The following MAP4 variants were observed in gnomAD, a reference collection of about 807,000 sequenced individuals.
The protein encoded by MAP4 is microtubule-associated protein 4.
Under a neutral mutation model 170.2 loss-of-function variants are expected in MAP4, and 76 were observed. The observed-to-expected ratio is 0.45, with a 90% confidence interval of 0.37 to 0.54. The LOEUF (loss-of-function observed/expected upper bound fraction) is 0.54. MAP4 is among the 20% of genes least tolerant of loss of function. The pLI is 0.00. For missense variants in MAP4, 2,506 were observed against 2,748.0 expected (o/e 0.91, Z 1.97); for synonymous variants, 909 against 994.5 (o/e 0.91, Z 1.62).
intron 2 of MAP4, among the ~76,000 whole-genome samples, chr3:47,989,561 A>T (rs993990318): frequency 3.3e-5 from 5 of 152,248 alleles, no homozygotes; most frequent in African/African-American, 1.2e-4. Flanking sequence ...ACTTTACTAG[A>T]ATAAAATAAA....
chr3:47,897,792 A>C (rs540919710), intron 10 of MAP4, among the ~76,000 whole-genome samples: 1 of 151,838 alleles, frequency 6.6e-6, no homozygotes, highest in South Asian at 2.1e-4. Flanking sequence ...GATACAAAAA[A>C]TTAGCTGGGT....
At chr3:47,963,929 G>A (rs1294997644) in intron 3 of MAP4, among the ~76,000 whole-genome samples, 1 of 152,210 alleles carries the variant, frequency 6.6e-6, no homozygotes, top group Admixed American at 6.5e-5. Flanking sequence ...AAAGTGAAGA[G>A]TCAATCATGA....
Position 47,928,233 on chromosome 3 carries a change from T to C in MAP4, c.410A>G (p.Gln137Arg). ...FQPEQVVDPI[Q>R]TDPFKMYHDD... ...ACGAGCAAGCCAACACTTACCAGTC[T>C]GGATAGGATCGACCACTTGCTCAGG... Residue 137 changes from glutamine (Q) to arginine (R), a missense_variant, in exon 4 of 21, where the codon CAG becomes CGG. Around this residue, in one of 3 missense-constraint regions of MAP4, gnomAD observed 2,008 missense variants for 2,206.0 expected, o/e 0.91. Transcript: ENST00000683076. The C allele has an allele frequency of 1.2e-6, 2 of 1,614,154 alleles. No homozygotes were observed. The highest frequency in any genetic ancestry group is 1.1e-5 in the South Asian group (1 of 91,054).
intron 2 of MAP4, among the ~76,000 whole-genome samples, chr3:47,994,124 T>A (rs1162516341): frequency 6.6e-6 from 1 of 152,150 alleles, no homozygotes. Flanking sequence ...AGGGCATCCA[T>A]TTTTCTTCAT....
intron 1 of MAP4, among the ~76,000 whole-genome samples, chr3:48,009,067 C>T (rs2100103892): frequency 6.6e-6 from 1 of 152,136 alleles, no homozygotes; most frequent in African/African-American, 2.4e-5. Flanking sequence ...ACCAAGACTA[C>T]CATTTGTGGA....
chr3:48,084,129 G>T (rs530290975), intron 1 of MAP4, among the ~76,000 whole-genome samples: 96 of 151,376 alleles, frequency 6.3e-4, no homozygotes, highest in Non-Finnish European at 1.2e-3. Flanking sequence ...AGAATTGCTT[G>T]AACCCGGGAG....
chr3:47,865,122 CAACAA>C (rs1168594429), intron 17 of MAP4, among the ~76,000 whole-genome samples: 3 of 151,938 alleles, frequency 2.0e-5, no homozygotes, highest in African/African-American at 7.3e-5. Flanking sequence ...ACCCTCAAAA[CAACAA>C]AACAAAACAA....
At position 47,911,458 on chromosome 3, in the gene MAP4, TC is replaced by T; in HGVS notation, c.2962del (p.Glu988LysfsTer8). The stretch of plus-strand genomic sequence containing the variant: ...AGTCATTTTACTTTCATTATTCCCT[TC>T]TTTTAGATTACATTCTAATGGATTA... ...ASNPLECNLK[E>X]GNNESKMTKL... On this transcript the variant is annotated frameshift_variant, in exon 9 of 21. Transcript: ENST00000683076. LOFTEE classifies it high-confidence loss of function. This position sits in a 1 kb window ranked among gnomAD's most constrained non-coding sequence, Gnocchi z 4.0. 2 of 1,536,090 alleles carry T rather than the reference TC, an allele frequency of 1.3e-6. No individual in the cohort carries two copies. Among genetic ancestry groups the T allele is most frequent in the Non-Finnish European group, 1.7e-6 (2 of 1,146,878 alleles).
At chr3:47,885,396 A>ATCAATCAG (rs1315595059) in intron 10 of MAP4, among the ~76,000 whole-genome samples, 1 of 148,122 alleles carries the variant, frequency 6.8e-6, no homozygotes, top group African/African-American at 2.6e-5. Flanking sequence ...CAATCAATCA[A>ATCAATCAG]TCAATTCATC....
chr3:48,016,627 A>G (rs887625997), upstream of MAP4, among the ~76,000 whole-genome samples: 1 of 152,220 alleles, frequency 6.6e-6, no homozygotes, highest in African/African-American at 2.4e-5. Context: ...AAAACTTTAA[A>G]AGATTCTTAA....
intron 1 of MAP4, among the ~76,000 whole-genome samples, chr3:48,010,572 A>G (rs1296571905): frequency 6.6e-6 from 1 of 152,152 alleles, no homozygotes; most frequent in Non-Finnish European, 1.5e-5. Flanking sequence ...TTAAGATTAC[A>G]TACGATCTCA....
At chr3:48,078,232 T>A (rs546849396) in intron 1 of MAP4, among the ~76,000 whole-genome samples, 1 of 152,080 alleles carries the variant, frequency 6.6e-6, no homozygotes, top group South Asian at 2.1e-4. Flanking sequence ...TCTCAAATTC[T>A]TTGGCTCAAG....
intron 4 of MAP4, among the ~76,000 whole-genome samples, chr3:47,925,121 A>G (rs2100045078): frequency 6.6e-6 from 1 of 152,016 alleles, no homozygotes; most frequent in Admixed American, 6.6e-5. Context: ...AAGCTATGAT[A>G]TTTTCTGTAA....
chr3:47,863,525 G>A (rs1056682946), intron 17 of MAP4, among the ~76,000 whole-genome samples: 3 of 151,958 alleles, frequency 2.0e-5, no homozygotes, highest in Admixed American at 6.6e-5. Flanking sequence ...GGCTCTCTGT[G>A]GTCCTAGGAG....
intron 3 of MAP4, among the ~76,000 whole-genome samples, chr3:47,928,985 T>C (rs1335146721): frequency 6.6e-6 from 1 of 152,104 alleles, no homozygotes; most frequent in Admixed American, 6.6e-5. Flanking sequence ...GCAAAAAACC[T>C]AGAAAAGCCA....
At chr3:47,934,329 G>A (rs538235188) in intron 3 of MAP4, among the ~76,000 whole-genome samples, 10 of 152,098 alleles carry the variant, frequency 6.6e-5, no homozygotes, top group Middle Eastern at 3.2e-3. Context: ...TTGAGACAGC[G>A]TCTCCTTTTG....
intron 10 of MAP4, among the ~76,000 whole-genome samples, chr3:47,877,942 T>TG (rs1252073910): frequency 1.3e-5 from 2 of 152,222 alleles, no homozygotes; most frequent in African/African-American, 4.8e-5. Flanking sequence ...GATCATTCAA[T>TG]GACTCCCTTT....
chr3:47,859,864 C>G (rs1426972289), intron 17 of MAP4, among the ~76,000 whole-genome samples: 4 of 152,220 alleles, frequency 2.6e-5, no homozygotes, highest in Admixed American at 6.5e-5. Flanking sequence ...GGATACAGCA[C>G]AGATACCTCC....
chr3:47,940,686 T>C (rs2100055716), intron 3 of MAP4, among the ~76,000 whole-genome samples: 1 of 152,198 alleles, frequency 6.6e-6, no homozygotes, highest in South Asian at 2.1e-4. Flanking sequence ...TTCTGTCACA[T>C]ATGATCCATT....
Sources: gnomAD v4.1 joint callset for allele counts (sites outside exome capture counted in the v4.1 genomes callset) on GRCh38, gnomAD v4.1.1 for gene constraint, gnomAD v4.1.1 regional missense constraint, Gnocchi (gnomAD v3.1) non-coding constraint, MANE v1.5 for transcripts, NCBI Gene and HGNC (gene_info 2026-07-23, HGNC 2026-07-21) for gene names.